The following SPTBN5 variants were observed in gnomAD, a reference collection of about 807,000 sequenced individuals.
SPTBN5 encodes the protein spectrin beta, non-erythrocytic 5, also known as spectrin beta chain, non-erythrocytic 5.
Under a neutral mutation model 477.6 loss-of-function variants are expected in SPTBN5, and 513 were observed. The ratio of observed to expected loss-of-function variants is 1.07; its 90% CI spans 1.00 to 1.16. SPTBN5 has a LOEUF of 1.16. SPTBN5 is among the 50% of genes most tolerant of loss of function. SPTBN5 has a pLI of 0.00. For synonymous variants in SPTBN5, 2,169 were observed against 2,011.7 expected (o/e 1.08, Z -2.09); for missense variants, 5,062 against 4,731.8 (o/e 1.07, Z -2.05).
In SPTBN5 at chr15:41,857,258, C is replaced by T; in HGVS notation, c.8601G>A (p.Gln2867=). 6.3e-7 allele frequency: 1 copy of T among 1,583,202 alleles called. No homozygotes were observed. The highest frequency in any genetic ancestry group is 2.3e-5 in the East Asian group (1 of 43,434). ...GHCLAQDVEE[Q]ARRLLQRFKS... ...TCTACCTCTGAAGCAGCCGCCGGGCCTGCTCTTCCACATCTTGGGCAAGGC... is the reference window on the plus strand; with the variant it reads ...TCTACCTCTGAAGCAGCCGCCGGGCTTGCTCTTCCACATCTTGGGCAAGGC... The change falls in exon 51 of 68, where the codon CAG becomes CAA. Residue 2867 remains glutamine, a synonymous_variant. Transcript: ENST00000320955.
chr15:41,849,527 G>A (rs1368369138), intron 67 of SPTBN5, among the ~76,000 whole-genome samples: 1 of 152,190 alleles, frequency 6.6e-6, no homozygotes, highest in Non-Finnish European at 1.5e-5. Flanking sequence ...ACCCAGGCAG[G>A]CTCTCAGCAC....
Position 41,872,349 on chromosome 15 carries a change from C to T in SPTBN5, c.5118G>A (p.Glu1706=). The change falls in exon 27 of 68, where the codon GAG becomes GAA. Residue 1706 remains glutamate (E), a synonymous_variant. Transcript: ENST00000320955. ...GTGCCCGCAGCTGCTCCCGGAGCCT[C>T]TCCTGCACCACACGCTGCTGCTCAG... ...EVPEQQRVVQ[E]RLREQLRALQ... The T allele has an allele frequency of 6.2e-7, 1 of 1,611,498 alleles. No individual in the cohort carries two copies. The highest frequency in any genetic ancestry group is 8.5e-7 in the Non-Finnish European group (1 of 1,179,704).
At position 41,878,533 on chromosome 15, in the gene SPTBN5, T is replaced by A; in HGVS notation, c.3279A>T (p.Gln1093His). Reference protein sequence around the residue: ...LLKQVQEQVAQRARRQAETQA... With the variant: ...LLKQVQEQVAHRARRQAETQA... Reference sequence around the variant, plus strand: ...GAGTCTCAGCCTGGCGCCGGGCCCGTTGGGCCACTTGTTCCTGTACTTGCT... The same window carrying A: ...GAGTCTCAGCCTGGCGCCGGGCCCGATGGGCCACTTGTTCCTGTACTTGCT... The change falls in exon 17 of 68, where the codon CAA becomes CAT. Residue 1093 changes from glutamine to histidine, a missense_variant. Coordinates refer to ENST00000320955, the MANE Select transcript of SPTBN5 (RefSeq NM_016642.4). 6.2e-7 allele frequency: 1 copy of A among 1,612,888 alleles called. No homozygotes were observed. The highest frequency in any genetic ancestry group is 8.5e-7 in the Non-Finnish European group (1 of 1,179,716).
In SPTBN5 at chr15:41,866,477, T is replaced by C; in HGVS notation, c.6497A>G (p.Gln2166Arg). 1 of 1,580,706 alleles carries C rather than the reference T, an allele frequency of 6.3e-7. No homozygotes were observed. Among genetic ancestry groups the C allele is most frequent in the Non-Finnish European group, 8.6e-7 (1 of 1,165,426 alleles). ...CTCCTTCAGCTGCTGGGCCCACGCCTGGATCCAGTCCTCAGCCTGGTGGGG... is the reference window on the plus strand; with the variant it reads ...CTCCTTCAGCTGCTGGGCCCACGCCCGGATCCAGTCCTCAGCCTGGTGGGG... ...QAATQAEDWI[Q>R]AWAQQLKEPV... Residue 2166 changes from glutamine to arginine, a missense_variant, in exon 37 of 68, where the codon CAG (glutamine) becomes CGG (arginine). Transcript: ENST00000320955.
chr15:41,850,825 C>T (rs745828470), intron 66 of SPTBN5, 29 bp downstream of exon 66: 3 of 1,559,300 alleles, frequency 1.9e-6, no homozygotes, highest in Non-Finnish European at 1.7e-6. Flanking sequence ...AGTCGGCCGC[C>T]CTCCCCGCAT....
At position 41,848,595 on chromosome 15, in the gene SPTBN5, G is replaced by C. The variant is rs757979710; in HGVS notation, c.*21C>G. 20 of 1,613,696 alleles carry C rather than the reference G, an allele frequency of 1.2e-5. No homozygotes were observed. The highest frequency in any genetic ancestry group is 1.7e-5 in the Non-Finnish European group (20 of 1,179,742). On this transcript the variant is annotated 3_prime_UTR_variant, in exon 68 of 68. Coordinates refer to ENST00000320955, the MANE Select transcript of SPTBN5 (RefSeq NM_016642.4). ...GTCCTCGCTTGTGCCCCTGAAGTTTGGTGTTGCACTGGGGTTCACCTCAGG... is the reference window on the plus strand; with the variant it reads ...GTCCTCGCTTGTGCCCCTGAAGTTTCGTGTTGCACTGGGGTTCACCTCAGG...
rs1159322183 is a variant in SPTBN5, at chr15:41,848,337, G to T, written c.*279C>A. On this transcript the variant is annotated 3_prime_UTR_variant, in exon 68 of 68. Transcript: ENST00000320955. ...TCCAAGCAAGGAGGAGGCCACATGG[G>T]CCTGGGGTAGCCCTGGCCTTGCCCA... is the stretch of plus-strand genomic sequence containing the variant. 7.2e-6 allele frequency: 4 copies of T among 557,172 alleles called. No individual in the cohort carries two copies. The African/African-American group carries it at 7.6e-5, about 11-fold the overall frequency. The allele number at this position is 557,172 out of a possible 1,614,324, so 34.5% of individuals were successfully genotyped here. A position where few individuals can be genotyped will look rare whatever the true frequency, so the allele number is the denominator to read the frequency against.
At position 41,879,492 on chromosome 15, in the gene SPTBN5, G is replaced by A. The variant is rs763856482; in HGVS notation, c.2950C>T (p.Gln984Ter). ...QQEELSQRWG[Q>*]LEALKREKAV... ...TTCTCCCTCTTCAGGGCCTCCAGCT[G>A]CCCCCACCTGGGCAGAGGGTACAAG... Residue 984 changes from glutamine (Q) to a stop codon, truncating the protein, a stop_gained, in exon 16 of 68, where the codon CAG becomes TAG. Transcript: ENST00000320955. LOFTEE classifies it high-confidence loss of function. 21 of 1,564,652 alleles carry A rather than the reference G, an allele frequency of 1.3e-5. No individual in the cohort carries two copies. The highest frequency in any genetic ancestry group is 2.7e-5 in the African/African-American group (2 of 73,812).
chr15:41,891,111 A>G (rs1199327821), intron 3 of SPTBN5, among the ~76,000 whole-genome samples: 1 of 152,208 alleles, frequency 6.6e-6, no homozygotes, highest in East Asian at 1.9e-4. Context: ...AAACTTAAGG[A>G]CTATTTCTCC....
chr15:41,863,007 G>T, intron 41 of SPTBN5, 104 bp from the exon 42 acceptor site: 1 of 1,065,534 alleles, frequency 9.4e-7, no homozygotes, highest in Non-Finnish European at 1.4e-6. Flanking sequence ...CAAGTCCCCA[G>T]CGTGATTTCC....
Position 41,856,493 on chromosome 15 carries a change from C to T in SPTBN5, c.8914G>A (p.Ala2972Thr), listed in dbSNP as rs771505776. Residue 2972 changes from alanine (A) to threonine (T), a missense_variant, in exon 53 of 68, where the codon GCC becomes ACC. Ala to Thr is a moderately conservative substitution (Grantham distance 58). Transcript: ENST00000320955. ...GCCTTCTCCAGCTGCTGCACCCGGG[C>T]GGCCACCTCGTGGGCGGCAAAGTGC... ...AGHFAAHEVA[A>T]RVQQLEKAMA... The T allele has an allele frequency of 1.1e-5, 17 of 1,596,298 alleles. No homozygotes were observed. Among genetic ancestry groups the T allele is most frequent in the East Asian group, 6.8e-5 (3 of 43,918 alleles).
chr15:41,858,842 T>C, intron 48 of SPTBN5, 48 bp downstream of exon 48: 1 of 1,545,716 alleles, frequency 6.5e-7, no homozygotes, highest in African/African-American at 1.4e-5. Flanking sequence ...TTTCCCTGGG[T>C]CGACTCCTTC....
At chr15:41,852,387 A>G in intron 61 of SPTBN5, 71 bp from the exon 62 acceptor site, 1 of 1,487,122 alleles carries the variant, frequency 6.7e-7, no homozygotes, top group East Asian at 2.5e-5. Context: ...GTTCCCGTCT[A>G]CCTCCCCTCC....
chr15:41,856,277 G>A (rs1334419195), intron 53 of SPTBN5, 109 bp downstream of exon 53: 1 of 993,916 alleles, frequency 1.0e-6, no homozygotes, highest in East Asian at 2.9e-5. Context: ...AGACCACTGA[G>A]TGGAGGAGAC....
chr15:41,881,352 G>T, intron 12 of SPTBN5, 118 bp from the exon 13 acceptor site: 2 of 806,884 alleles, frequency 2.5e-6, no homozygotes, highest in Non-Finnish European at 3.9e-6. Flanking sequence ...AGCTCAAAGG[G>T]TGTGTGGGAC....
chr15:41,857,793 T>G (rs1176695746), intron 49 of SPTBN5, 83 bp from the exon 50 acceptor site: 1 of 1,475,098 alleles, frequency 6.8e-7, no homozygotes. Flanking sequence ...CCACCAGCAC[T>G]AGAGCTGCAG....
intron 30 of SPTBN5, 42 bp downstream of exon 30, chr15:41,870,404 G>A: frequency 1.9e-6 from 3 of 1,609,386 alleles, no homozygotes; most frequent in Non-Finnish European, 2.5e-6. Context: ...TGGGCACTGA[G>A]CCTGGAGTGT....
chr15:41,883,106 C>T lies in SPTBN5; in HGVS notation c.1782G>A (p.Gln594=), dbSNP rs1428688770. The T allele has an allele frequency of 6.2e-7, 1 of 1,610,524 alleles. No individual in the cohort carries two copies. Among genetic ancestry groups the T allele is most frequent in the Non-Finnish European group, 8.5e-7 (1 of 1,178,814 alleles). Residue 594 remains glutamine, a synonymous_variant, in exon 9 of 68, where the codon CAG becomes CAA. Transcript: ENST00000320955. ...AHGAHVSHLA[Q]QTAELDSSLG... ...GGGAGGAGTCCAGCTCTGCTGTCTG[C>T]TGAGCAAGATGGCTCACATGGGCTC...
rs753743823 is a variant in SPTBN5 at position 41,868,436 on chromosome 15, G to GCCCCCC, written c.6018_6019insGGGGGG (p.Gly2006_Gln2007insGlyGly). The GCCCCCC allele has an allele frequency of 2.0e-5, 32 of 1,608,618 alleles. 1 individual carries two copies. Among genetic ancestry groups the GCCCCCC allele is most frequent in the Admixed American group, 1.5e-4 (9 of 59,882 alleles). ...GTCCCTGCAGCAAGAAGTGCCTGCTGCCCCAGCTGGGTGGCCTGCTGCCAC... is the reference window on the plus strand; with the variant it reads ...GTCCCTGCAGCAAGAAGTGCCTGCTGCCCCCCCCCCAGCTGGGTGGCCTGCTGCCAC... On this transcript the variant is annotated inframe_insertion, in exon 33 of 68. Coordinates refer to ENST00000320955, the MANE Select transcript of SPTBN5 (RefSeq NM_016642.4).
Sources: gnomAD v4.1 joint callset for allele counts (sites outside exome capture counted in the v4.1 genomes callset) on GRCh38, gnomAD v4.1.1 for gene constraint, MANE v1.5 for transcripts, NCBI Gene and HGNC (gene_info 2026-07-23, HGNC 2026-07-21) for gene names.